SMYD3: variants seen among roughly 807,000 people sequenced by gnomAD.
SMYD3 encodes the protein histone-lysine N-methyltransferase SMYD3.
In SMYD3, 36 loss-of-function variants were observed where a neutral mutation model predicts 57.7. The observed-to-expected ratio is 0.62, with a 90% confidence interval of 0.48 to 0.82. SMYD3 has a LOEUF of 0.82. Among genes scored for constraint, SMYD3 ranks in the 40% least tolerant of loss-of-function variants. The probability of loss-of-function intolerance (pLI) is 0.00; values close to 1 mark genes in which losing one functional copy is unlikely to be tolerated. For synonymous variants in SMYD3, 211 were observed against 195.0 expected, an observed-to-expected ratio of 1.08 and a Z score of -0.68; for missense variants, 515 against 538.8, an observed-to-expected ratio of 0.96 and a Z score of 0.44.
intron 5 of SMYD3, among the ~76,000 whole-genome samples, chr1:246,164,846 T>C (rs1183193951): frequency 1.3e-5 from 2 of 152,230 alleles, no homozygotes; most frequent in African/African-American, 4.8e-5. Flanking sequence ...TTACTTAACA[T>C]AGGCTACTGT....
At position 246,266,820 on chromosome 1, in the gene SMYD3, TAGAG is replaced by T. The variant is rs1365359262; in HGVS notation, c.531+60377_531+60380del. On this transcript the variant is annotated intron_variant, in intron 5 of 11. Coordinates refer to ENST00000490107, the MANE Select transcript of SMYD3 (RefSeq NM_001167740.2). Reference sequence around the variant, plus strand: ...GAAAGAGAGAGAGAGAAGAGAAAGATAGAGAGAGAAAGAAAGTAATGACAGAGAA... The same window carrying T: ...GAAAGAGAGAGAGAGAAGAGAAAGATAGAGAAAGAAAGTAATGACAGAGAA... Among the ~76,000 whole-genome samples, 11 of 150,566 alleles carry T rather than the reference TAGAG, an allele frequency of 7.3e-5. No individual in the cohort carries two copies. In the East Asian group the frequency reaches 1.6e-3, roughly 22 times the overall value.
chr1:246,258,194 G>T (rs952974050), intron 5 of SMYD3, among the ~76,000 whole-genome samples: 1 of 151,930 alleles, frequency 6.6e-6, no homozygotes, highest in African/African-American at 2.4e-5. Context: ...GCACCACCAC[G>T]CCTGGCTAAT....
At chr1:245,958,072 G>A (rs1335810410) in intron 5 of SMYD3, among the ~76,000 whole-genome samples, 1 of 152,168 alleles carries the variant, frequency 6.6e-6, no homozygotes, top group Non-Finnish European at 1.5e-5. Flanking sequence ...AATGAGCCCA[G>A]CACTTTATGA....
At chr1:246,116,012 G>A (rs1272847461) in intron 5 of SMYD3, among the ~76,000 whole-genome samples, 2 of 152,226 alleles carry the variant, frequency 1.3e-5, no homozygotes, top group Non-Finnish European at 2.9e-5. Context: ...GGTGGCACAT[G>A]CCTGTAATCC....
At chr1:245,978,201 G>C (rs1343666594) in intron 5 of SMYD3, among the ~76,000 whole-genome samples, 1 of 152,144 alleles carries the variant, frequency 6.6e-6, no homozygotes, top group African/African-American at 2.4e-5. Flanking sequence ...CCCATTCCTA[G>C]TTCTACTATT....
At chr1:245,993,623 TAGATAGATAGACAGACAGAC>T (rs1278003964) in intron 5 of SMYD3, among the ~76,000 whole-genome samples, 11 of 96,826 alleles carry the variant, frequency 1.1e-4, no homozygotes, top group African/African-American at 4.0e-4. Context: ...GATAGATAGA[TAGATAGATAGACAGACAGAC>T]AGACAGACAG....
intron 1 of SMYD3, among the ~76,000 whole-genome samples, chr1:246,366,925 C>A (rs2066113472): frequency 2.7e-5 from 3 of 110,570 alleles, no homozygotes; most frequent in Non-Finnish European, 3.5e-5. Context: ...AGCGAGACTC[C>A]ATCTCAAAAA....
intron 5 of SMYD3, among the ~76,000 whole-genome samples, chr1:246,118,815 T>TTTC (rs764120155): frequency 1.3e-5 from 1 of 79,076 alleles, no homozygotes; most frequent in Non-Finnish European, 2.1e-5. Flanking sequence ...GCACGTGCTT[T>TTTC]TTTTTTTTTT....
intron 5 of SMYD3, among the ~76,000 whole-genome samples, chr1:246,308,736 C>T (rs1364933054): frequency 6.6e-6 from 1 of 152,120 alleles, no homozygotes; most frequent in Non-Finnish European, 1.5e-5. Context: ...GATTAAATGA[C>T]TTCAATATGG....
chr1:246,404,576 A>C (rs2066828650), intron 1 of SMYD3, among the ~76,000 whole-genome samples: 2 of 152,224 alleles, frequency 1.3e-5, no homozygotes, highest in South Asian at 4.1e-4. Flanking sequence ...GGAGTTTGCA[A>C]GTTAAAGAGA....
At chr1:245,835,152 GCT>G (rs1433293363) in intron 10 of SMYD3, among the ~76,000 whole-genome samples, 1 of 125,050 alleles carries the variant, frequency 8.0e-6, no homozygotes, top group Non-Finnish European at 1.6e-5. Flanking sequence ...AGGGAGTCTT[GCT>G]CTGTCACCAG....
At chr1:245,846,080 C>G (rs895298736) in intron 10 of SMYD3, among the ~76,000 whole-genome samples, 1 of 151,954 alleles carries the variant, frequency 6.6e-6, no homozygotes, top group Non-Finnish European at 1.5e-5. Flanking sequence ...ATACAGATAG[C>G]AGAACATGAA....
intron 8 of SMYD3, among the ~76,000 whole-genome samples, chr1:245,876,684 T>C (rs528549435): frequency 6.6e-6 from 1 of 152,330 alleles, no homozygotes; most frequent in South Asian, 2.1e-4. Flanking sequence ...GCTCAATATA[T>C]GACAACATCT....
chr1:246,269,211 A>T (rs1441642029), intron 5 of SMYD3, among the ~76,000 whole-genome samples: 1 of 151,996 alleles, frequency 6.6e-6, no homozygotes, highest in Non-Finnish European at 1.5e-5. Flanking sequence ...GGCTGATACC[A>T]CCCTTTCCAG....
intron 1 of SMYD3, among the ~76,000 whole-genome samples, chr1:246,486,639 G>T (rs2068192664): frequency 6.6e-6 from 1 of 152,140 alleles, no homozygotes; most frequent in Non-Finnish European, 1.5e-5. Flanking sequence ...GAGATTAAGT[G>T]ATTTGCCCAA....
At chr1:246,492,956 T>A (rs2103070305) in intron 1 of SMYD3, among the ~76,000 whole-genome samples, 1 of 152,304 alleles carries the variant, frequency 6.6e-6, no homozygotes, top group South Asian at 2.1e-4. Context: ...TCTGTTTAAT[T>A]ACAGTGGAAG....
At chr1:246,006,325 G>A (rs1256839228) in intron 5 of SMYD3, among the ~76,000 whole-genome samples, 4 of 151,912 alleles carry the variant, frequency 2.6e-5, no homozygotes, top group East Asian at 1.9e-4. Context: ...CTGGAGGGGC[G>A]GCGGGGGGCG....
At chr1:246,121,432 CAAA>C (rs10646615) in intron 5 of SMYD3, among the ~76,000 whole-genome samples, 4,409 of 100,206 alleles carry the variant, frequency 0.044, 67 homozygotes, top group African/African-American at 0.066. Context: ...TTCCATTTTG[CAAA>C]AAAAAAAAAA....
chr1:246,223,190 G>A (rs932126060), intron 5 of SMYD3, among the ~76,000 whole-genome samples: 1 of 152,080 alleles, frequency 6.6e-6, no homozygotes, highest in Non-Finnish European at 1.5e-5. Context: ...AGGGTGAGGA[G>A]AAAAGTGGTC....
Sources: allele counts gnomAD v4.1 joint callset (sites outside exome capture counted in the v4.1 genomes callset), GRCh38; gene constraint gnomAD v4.1.1; transcripts MANE v1.5; gene names NCBI Gene and HGNC (gene_info 2026-07-23, HGNC 2026-07-21).